The following ZFAT variants were observed in gnomAD, a reference collection of about 807,000 sequenced individuals.
ZFAT encodes the protein zinc finger protein ZFAT.
Under a neutral mutation model 117.7 loss-of-function variants are expected in ZFAT, and 64 were observed. The observed-to-expected ratio is 0.54, with a 90% confidence interval of 0.44 to 0.67. The LOEUF (loss-of-function observed/expected upper bound fraction) is 0.67. ZFAT is among the 30% of genes least tolerant of loss of function. The pLI, the probability that ZFAT is intolerant of heterozygous loss-of-function variation, is 0.00. For missense variants in ZFAT, 1,433 were observed against 1,584.5 expected, an observed-to-expected ratio of 0.90 and a Z score of 1.62; for synonymous variants, 679 against 615.0, an observed-to-expected ratio of 1.10 and a Z score of -1.54.
chr8:134,762,078 T>A, the ZFAT span, among the ~76,000 whole-genome samples: 1 of 151,910 alleles, frequency 6.6e-6, no homozygotes, highest in Admixed American at 6.6e-5. Flanking sequence ...TTTAAGGCCT[T>A]TGTTTGTGGC....
intron 1 of ZFAT, among the ~76,000 whole-genome samples, chr8:134,685,384 G>T (rs1833271088): frequency 6.6e-6 from 1 of 152,184 alleles, no homozygotes; most frequent in Non-Finnish European, 1.5e-5. Flanking sequence ...TGTGAGGAAT[G>T]CAAGTCTTGG....
chr8:134,596,236 T>C (rs1487821190), intron 7 of ZFAT, among the ~76,000 whole-genome samples: 1 of 152,164 alleles, frequency 6.6e-6, no homozygotes, highest in African/African-American at 2.4e-5. Flanking sequence ...CACTGGAGCA[T>C]TGCCACCATC....
chr8:134,790,564 A>G, the ZFAT span, among the ~76,000 whole-genome samples: 1 of 152,190 alleles, frequency 6.6e-6, no homozygotes, highest in Admixed American at 6.5e-5. Flanking sequence ...CTCTACCAAG[A>G]GTTGTATACT....
At chr8:134,829,180 T>C in the ZFAT span, among the ~76,000 whole-genome samples, 2 of 152,246 alleles carry the variant, frequency 1.3e-5, no homozygotes, top group African/African-American at 4.8e-5. Flanking sequence ...AAATCAGGCT[T>C]GTCCAACCCA....
At chr8:134,627,702 T>A (rs1829609571) in intron 3 of ZFAT, among the ~76,000 whole-genome samples, 1 of 152,220 alleles carries the variant, frequency 6.6e-6, no homozygotes, top group African/African-American at 2.4e-5. Context: ...TTGTGTCTGC[T>A]GTATGAGAAT....
intron 15 of ZFAT, among the ~76,000 whole-genome samples, chr8:134,482,284 G>A (rs540664952): frequency 6.6e-6 from 1 of 152,340 alleles, no homozygotes; most frequent in African/African-American, 2.4e-5. Context: ...CTGTCAAACA[G>A]TGCATGAACA....
chr8:134,630,507 T>C (rs1829814127), intron 3 of ZFAT, among the ~76,000 whole-genome samples: 1 of 152,218 alleles, frequency 6.6e-6, no homozygotes, highest in Non-Finnish European at 1.5e-5. Flanking sequence ...CAGGTGGATC[T>C]TAAGACCATA....
the ZFAT span, among the ~76,000 whole-genome samples, chr8:134,737,980 C>T: frequency 3.9e-5 from 6 of 152,108 alleles, no homozygotes; most frequent in African/African-American, 1.2e-4. Context: ...ATTGTGCTAC[C>T]ATTAAGGTCT....
At chr8:134,503,493 A>G (rs1213841844) in intron 15 of ZFAT, among the ~76,000 whole-genome samples, 1 of 152,214 alleles carries the variant, frequency 6.6e-6, no homozygotes, top group East Asian at 1.9e-4. Context: ...TTCATTTTAT[A>G]TGTCAACTTG....
At chr8:134,592,109 C>T (rs1408048889) in intron 7 of ZFAT, among the ~76,000 whole-genome samples, 13 of 152,176 alleles carry the variant, frequency 8.5e-5, no homozygotes, top group Admixed American at 2.0e-4. Flanking sequence ...ATCCACTCCA[C>T]GCTCACTTGG....
chr8:134,497,539 CGATT>C (rs1818560598), intron 15 of ZFAT, among the ~76,000 whole-genome samples: 3 of 22,708 alleles, frequency 1.3e-4, no homozygotes, highest in Middle Eastern at 0.017. Context: ...CACACAGAGC[CGATT>C]TGGTAGGGTT....
intron 1 of ZFAT, among the ~76,000 whole-genome samples, chr8:134,688,688 C>G (rs1833453518): frequency 6.6e-6 from 1 of 152,184 alleles, no homozygotes; most frequent in Non-Finnish European, 1.5e-5. Flanking sequence ...AAAGACAACA[C>G]TCGTTCAGGG....
intron 1 of ZFAT, among the ~76,000 whole-genome samples, chr8:134,666,889 C>T (rs1295508116): frequency 1.3e-5 from 2 of 152,074 alleles, no homozygotes; most frequent in Non-Finnish European, 2.9e-5. Flanking sequence ...AGATATAAAT[C>T]CACTAATTCA....
At chr8:134,575,724 C>T (rs1355629780) in intron 10 of ZFAT, among the ~76,000 whole-genome samples, 2 of 152,166 alleles carry the variant, frequency 1.3e-5, no homozygotes, top group Non-Finnish European at 2.9e-5. Context: ...TCTACCTCCT[C>T]GCTTCTCCAT....
At chr8:134,600,320 ATCTC>A (rs1827311902) in intron 7 of ZFAT, 112 bp downstream of exon 7, 2 of 944,108 alleles carry the variant, frequency 2.1e-6, no homozygotes, top group Middle Eastern at 2.2e-4. Flanking sequence ...AAGGAGAAGG[ATCTC>A]TCTATGTTTT....
chr8:134,584,136 A>C, intron 9 of ZFAT, 131 bp from the exon 10 acceptor site: 1 of 1,038,890 alleles, frequency 9.6e-7, no homozygotes, highest in African/African-American at 1.6e-5. Flanking sequence ...TCCGTTTTGA[A>C]CACAGCAGTA....
intron 11 of ZFAT, among the ~76,000 whole-genome samples, chr8:134,553,721 C>T (rs375877586): frequency 3.9e-5 from 6 of 152,180 alleles, no homozygotes; most frequent in Non-Finnish European, 5.9e-5. Flanking sequence ...TTGAGAACAA[C>T]GTGACAAGCC....
chr8:134,585,332 C>A (rs1039846878), intron 9 of ZFAT, among the ~76,000 whole-genome samples: 1 of 152,230 alleles, frequency 6.6e-6, no homozygotes, highest in Admixed American at 6.5e-5. Context: ...AGAGGAGAAG[C>A]CCACACAAAC....
intron 10 of ZFAT, among the ~76,000 whole-genome samples, chr8:134,575,415 C>G (rs531812328): frequency 6.6e-6 from 1 of 152,262 alleles, no homozygotes; most frequent in South Asian, 2.1e-4. Context: ...TGCTGGACTG[C>G]TGGCTTTGAA....
Sources: allele counts gnomAD v4.1 joint callset (sites outside exome capture counted in the v4.1 genomes callset), GRCh38; gene constraint gnomAD v4.1.1; transcripts MANE v1.5; gene names NCBI Gene and HGNC (gene_info 2026-07-23, HGNC 2026-07-21).